The following DCBLD2 variants were observed in gnomAD, a reference collection of about 807,000 sequenced individuals.
DCBLD2 encodes the protein discoidin, CUB and LCCL domain containing 2, also known as discoidin, CUB and LCCL domain-containing protein 2.
DCBLD2 carries 54 observed loss-of-function variants against 86.8 expected under a neutral mutation model. The ratio of observed to expected loss-of-function variants is 0.62; its 90% confidence interval spans 0.50 to 0.78. The LOEUF is 0.78. Ranked by LOEUF, DCBLD2 falls within the 30% of genes least tolerant of loss-of-function variation. DCBLD2 has a pLI of 0.00. For synonymous variants in DCBLD2, 354 were observed against 341.3 expected, an observed-to-expected ratio of 1.04 and a Z score of -0.41; for missense variants, 908 against 954.2, an observed-to-expected ratio of 0.95 and a Z score of 0.64.
At chr3:98,835,758 C>T (rs1309302202) in intron 3 of DCBLD2, among the ~76,000 whole-genome samples, 2 of 151,204 alleles carry the variant, frequency 1.3e-5, no homozygotes, top group African/African-American at 4.9e-5. Context: ...CCATGTTGGC[C>T]AGGCTGGTCT....
intron 1 of DCBLD2, among the ~76,000 whole-genome samples, chr3:98,883,559 T>A (rs1449743495): frequency 6.6e-6 from 1 of 152,202 alleles, no homozygotes; most frequent in Non-Finnish European, 1.5e-5. Context: ...ATAAAGTTTG[T>A]ATTTTGTTTT....
intron 2 of DCBLD2, among the ~76,000 whole-genome samples, chr3:98,858,153 A>G (rs1270656400): frequency 6.6e-6 from 1 of 152,206 alleles, no homozygotes; most frequent in African/African-American, 2.4e-5. Flanking sequence ...AAGTCACAGC[A>G]GCTGCTGGCC....
chr3:98,803,173 T>C (rs1462505411), intron 13 of DCBLD2, among the ~76,000 whole-genome samples: 1 of 152,178 alleles, frequency 6.6e-6, no homozygotes, highest in Non-Finnish European at 1.5e-5. Flanking sequence ...ATTCTTCCTA[T>C]CCATGAGCAT....
At chr3:98,857,821 C>G (rs1029653411) in intron 2 of DCBLD2, among the ~76,000 whole-genome samples, 2 of 152,254 alleles carry the variant, frequency 1.3e-5, no homozygotes, top group Non-Finnish European at 2.9e-5. Flanking sequence ...GAGCTAGATA[C>G]AGAGTGCCGA....
chr3:98,812,599 T>A, intron 9 of DCBLD2, 117 bp from the exon 10 acceptor site: 5 of 805,914 alleles, frequency 6.2e-6, no homozygotes, highest in African/African-American at 1.8e-5. Context: ...CTGGAAAGTA[T>A]GATAATAAGG....
rs1553734160 is a variant in DCBLD2 at position 98,886,809 on chromosome 3, C to CCT, written c.206-5043_206-5042insAG. On this transcript the variant is annotated intron_variant, in intron 1 of 15. Transcript: ENST00000326840. The stretch of plus-strand genomic sequence containing the variant: ...ATATTATTACAGGAAAACCCCCCCC[C>CCT]TTTTTTTTTTTTTTTTACTACTTAT... 7.0e-3 allele frequency among the ~76,000 whole-genome samples: 852 copies of CCT among 121,430 alleles called. 8 individuals carry two copies. Among genetic ancestry groups the CCT allele is most frequent in the Middle Eastern group, 0.017 (4 of 238 alleles). 79.7% of individuals were successfully genotyped at this position (121,430 alleles called of 152,430 possible).
At chr3:98,895,116 T>C (rs1466286334) in intron 1 of DCBLD2, 1 of 152,064 alleles carries the variant, frequency 6.6e-6, no homozygotes, top group African/African-American at 2.4e-5. Context: ...AATTATATCT[T>C]AGAAGAATAA....
At chr3:98,857,972 G>GCACTC (rs1340397687) in intron 2 of DCBLD2, among the ~76,000 whole-genome samples, 4 of 152,248 alleles carry the variant, frequency 2.6e-5, no homozygotes, top group Admixed American at 6.5e-5. Flanking sequence ...CCGTGCGCCC[G>GCACTC]CACTCCTCAG....
At chr3:98,883,721 T>C (rs555736300) in intron 1 of DCBLD2, among the ~76,000 whole-genome samples, 2 of 152,274 alleles carry the variant, frequency 1.3e-5, no homozygotes, top group South Asian at 4.1e-4. Flanking sequence ...CAGCATTTTG[T>C]CCTTCAAAAC....
intron 1 of DCBLD2, among the ~76,000 whole-genome samples, chr3:98,893,050 A>C: frequency 6.6e-6 from 1 of 152,066 alleles, no homozygotes; most frequent in East Asian, 1.9e-4. Context: ...GACTCCTCTC[A>C]CTGAGCTGGG....
chr3:98,881,090 T>C (rs996745948), intron 2 of DCBLD2, among the ~76,000 whole-genome samples: 1 of 151,340 alleles, frequency 6.6e-6, no homozygotes, highest in South Asian at 2.1e-4. Flanking sequence ...CCGTCTCTAC[T>C]AAAAATCAAA....
chr3:98,877,503 G>C (rs1943392609), intron 2 of DCBLD2, among the ~76,000 whole-genome samples: 1 of 152,168 alleles, frequency 6.6e-6, no homozygotes, highest in South Asian at 2.1e-4. Flanking sequence ...GAAAAGGATA[G>C]AATGAACCCT....
rs770597829 is a variant in DCBLD2 at position 98,836,588 on chromosome 3, C to T, written c.572-11222G>A. ...CAAAGCCGCCATTGTCATCCTGGCC[C>T]GTTCTCAATGAGCTGTTGGGCACAC... is the stretch of plus-strand genomic sequence containing the variant. On this transcript the variant is annotated intron_variant, in intron 3 of 15. Transcript: ENST00000326840. 8.4e-3 allele frequency among the ~76,000 whole-genome samples: 1,255 copies of T among 148,778 alleles called. 5 individuals are homozygous for T. The highest frequency in any genetic ancestry group is 0.021 in the Middle Eastern group (6 of 282).
At chr3:98,888,716 C>T (rs893296796) in intron 1 of DCBLD2, among the ~76,000 whole-genome samples, 6 of 151,964 alleles carry the variant, frequency 3.9e-5, no homozygotes, top group Non-Finnish European at 8.8e-5. Flanking sequence ...AACAATGGCA[C>T]ATTATTTTAG....
chr3:98,848,815 A>G (rs534862419), intron 3 of DCBLD2, among the ~76,000 whole-genome samples: 39 of 152,314 alleles, frequency 2.6e-4, no homozygotes, highest in Non-Finnish European at 4.7e-4. Flanking sequence ...TGAAGTGGTA[A>G]ACTGTGAATA....
intron 3 of DCBLD2, among the ~76,000 whole-genome samples, chr3:98,833,391 G>A (rs944061945): frequency 4.6e-5 from 7 of 152,054 alleles, no homozygotes; most frequent in Non-Finnish European, 8.8e-5. Context: ...CCTGAATCTC[G>A]ATGCTCTTCA....
intron 3 of DCBLD2, among the ~76,000 whole-genome samples, chr3:98,837,880 A>C (rs1418066377): frequency 8.9e-5 from 11 of 123,334 alleles, no homozygotes; most frequent in Admixed American, 1.5e-4. Flanking sequence ...TGACCCCCCC[A>C]CCTCCCTCCC....
chr3:98,845,836 T>C (rs1479120782), intron 3 of DCBLD2, among the ~76,000 whole-genome samples: 1 of 152,230 alleles, frequency 6.6e-6, no homozygotes, highest in African/African-American at 2.4e-5. Context: ...TTCTGTAGAA[T>C]GTTTTTCCTT....
chr3:98,864,056 C>A lies in DCBLD2; in HGVS notation c.434-14458G>T, dbSNP rs148620755. 2.0e-3 allele frequency among the ~76,000 whole-genome samples: 306 copies of A among 152,314 alleles called. 2 individuals are homozygous for A. The highest frequency in any genetic ancestry group is 7.3e-3 in the African/African-American group (304 of 41,572). On this transcript the variant is annotated intron_variant, in intron 2 of 15. Coordinates refer to ENST00000326840, the MANE Select transcript of DCBLD2 (RefSeq NM_080927.4). ...CAAGTGGGCGAACGATATGAACAGA[C>A]ACTTCTCAAAAGAAGACATTTATGC...
Sources: allele counts gnomAD v4.1 joint callset (sites outside exome capture counted in the v4.1 genomes callset), GRCh38; gene constraint gnomAD v4.1.1; transcripts MANE v1.5; gene names NCBI Gene and HGNC (gene_info 2026-07-23, HGNC 2026-07-21).